MYO1H: variants seen among roughly 807,000 people sequenced by gnomAD.
MYO1H encodes the protein myosin IH.
Under a neutral mutation model 149.3 loss-of-function variants are expected in MYO1H, and 118 were observed. That is an observed-to-expected ratio of 0.79 (90% CI 0.68 to 0.92). The LOEUF (loss-of-function observed/expected upper bound fraction) is 0.92, where lower values mean the gene tolerates loss of function less well. Ranked by LOEUF, MYO1H falls within the 40% of genes least tolerant of loss-of-function variation. The probability of loss-of-function intolerance (pLI) is 0.00; values close to 1 mark genes in which losing one functional copy is unlikely to be tolerated. For synonymous variants in MYO1H, 447 were observed against 465.2 expected (o/e 0.96, Z 0.50); for missense variants, 1,212 against 1,280.7 (o/e 0.95, Z 0.82).
At chr12:109,342,762 C>G in the MYO1H span, among the ~76,000 whole-genome samples, 1 of 150,614 alleles carries the variant, frequency 6.6e-6, no homozygotes, top group East Asian at 2.0e-4. Context: ...ATGCTGGTCT[C>G]GAACTCCTGG....
chr12:109,436,404 G>A (rs1302783403), intron 21 of MYO1H, 84 bp from the exon 22 acceptor site: 5 of 919,864 alleles, frequency 5.4e-6, no homozygotes, highest in Non-Finnish European at 8.7e-6. Flanking sequence ...CCCTTCCATC[G>A]GCCCCCAAAC....
At chr12:109,442,101 T>C in intron 26 of MYO1H, 116 bp from the exon 27 acceptor site, 1 of 841,958 alleles carries the variant, frequency 1.2e-6, no homozygotes, top group East Asian at 2.5e-5. Flanking sequence ...CTGATGGCTA[T>C]TTCCCCACCT....
the MYO1H span, among the ~76,000 whole-genome samples, chr12:109,312,588 A>G: frequency 2.6e-5 from 4 of 151,948 alleles, no homozygotes; most frequent in African/African-American, 9.7e-5. Context: ...CTTTTTCCCA[A>G]GTCCTTGGCT....
intron 5 of MYO1H, among the ~76,000 whole-genome samples, chr12:109,400,209 C>G (rs911381611): frequency 6.6e-6 from 1 of 152,182 alleles, no homozygotes; most frequent in Non-Finnish European, 1.5e-5. Context: ...CAATTTAGGA[C>G]CGTGACATAT....
the MYO1H span, among the ~76,000 whole-genome samples, chr12:109,324,901 A>G: frequency 5.9e-5 from 9 of 151,948 alleles, no homozygotes; most frequent in Non-Finnish European, 1.0e-4. Context: ...GCCCTGGTGT[A>G]TGATGTTCCC....
chr12:109,380,961 A>T (rs766955597), intron 1 of MYO1H, among the ~76,000 whole-genome samples: 2 of 152,162 alleles, frequency 1.3e-5, no homozygotes, highest in Non-Finnish European at 2.9e-5. Flanking sequence ...ACTAAGGTTA[A>T]GTTCAAACCT....
At chr12:109,425,092 A>G (rs1871307848) in intron 17 of MYO1H, among the ~76,000 whole-genome samples, 1 of 152,186 alleles carries the variant, frequency 6.6e-6, no homozygotes, top group Non-Finnish European at 1.5e-5. Flanking sequence ...TAACATAATG[A>G]GACCCTGTCT....
At chr12:109,436,384 C>T (rs1472137713) in intron 21 of MYO1H, 104 bp from the exon 22 acceptor site, 23 of 768,354 alleles carry the variant, frequency 3.0e-5, no homozygotes, top group Non-Finnish European at 4.7e-5. Flanking sequence ...CACCACAGGA[C>T]TTTGATGCCC....
exon 2 of MYO1H, chr12:109,388,826 C>T (rs1329978260): frequency 6.2e-7 from 1 of 1,612,076 alleles, no homozygotes; most frequent in African/African-American, 1.3e-5. Context: ...GCAAGCGTTT[C>T]AGCGAGAACC....
intron 1 of MYO1H, chr12:109,359,260 C>A (rs1334569436): frequency 6.6e-6 from 1 of 152,078 alleles, no homozygotes; most frequent in East Asian, 1.9e-4. Context: ...ATATTCTTTA[C>A]CTGTCTCTTT....
intron 1 of MYO1H, chr12:109,359,240 CT>C (rs1868687057): frequency 2.6e-5 from 4 of 152,034 alleles, no homozygotes. Flanking sequence ...TGAATGGACC[CT>C]TCTTGACGAT....
chr12:109,339,595 C>T, the MYO1H span, among the ~76,000 whole-genome samples: 1 of 152,148 alleles, frequency 6.6e-6, no homozygotes, highest in African/African-American at 2.4e-5. Flanking sequence ...ATTTGCAGCA[C>T]ATGACAAACG....
At position 109,424,746 on chromosome 12, in the gene MYO1H, A is replaced by T; in HGVS notation, c.1645-2A>T. The T allele has an allele frequency of 6.2e-7, 1 of 1,613,158 alleles. No individual in the cohort carries two copies. The highest frequency in any genetic ancestry group is 8.5e-7 in the Non-Finnish European group (1 of 1,179,224). On this transcript the variant is annotated splice_acceptor_variant, in intron 16 of 31. Transcript: ENST00000310903. LOFTEE classifies it high-confidence loss of function. ...GTGGTACTCATTTCTCTTCACTTAC[A>T]GGTGCTGTGCAAGTCCAAGAACATT...
chr12:109,310,796 T>C, the MYO1H span, among the ~76,000 whole-genome samples: 4 of 152,182 alleles, frequency 2.6e-5, no homozygotes, highest in Admixed American at 2.6e-4. Context: ...CAGGAGTAAA[T>C]AGATCAGCTT....
chr12:109,444,282 A>T (rs1225064324), exon 29 of MYO1H: 1 of 1,613,470 alleles, frequency 6.2e-7, no homozygotes, highest in East Asian at 2.2e-5. Flanking sequence ...AGCAAGCAAA[A>T]GGTAATTGAC....
chr12:109,383,983 C>T lies in MYO1H; in HGVS notation c.13-4700C>T, dbSNP rs1869255995. On this transcript the variant is annotated intron_variant, in intron 1 of 31. Transcript: ENST00000310903. Reference sequence around the variant, plus strand: ...AGATGAGCAACAGGTCTAAACCATCCAAGACAAAGAGTGGCTTGCTGCAGA... The same window carrying T: ...AGATGAGCAACAGGTCTAAACCATCTAAGACAAAGAGTGGCTTGCTGCAGA... Among the ~76,000 whole-genome samples, 2 of 152,188 alleles carry T rather than the reference C, an allele frequency of 1.3e-5. 1 individual carries two copies. The highest frequency in any genetic ancestry group is 4.1e-4 in the South Asian group (2 of 4,832).
At chr12:109,354,875 C>CT (rs1868553542) in intron 1 of MYO1H, among the ~76,000 whole-genome samples, 1 of 152,170 alleles carries the variant, frequency 6.6e-6, no homozygotes, top group African/African-American at 2.4e-5. Context: ...CTAGCCTTTA[C>CT]TTTTACACAT....
chr12:109,353,757 T>C (rs1290974120), intron 1 of MYO1H, among the ~76,000 whole-genome samples: 1 of 152,114 alleles, frequency 6.6e-6, no homozygotes, highest in Non-Finnish European at 1.5e-5. Flanking sequence ...GTTCAAGTGC[T>C]TCTCCTGCCT....
At chr12:109,429,610 C>A (rs1871525304) in intron 19 of MYO1H, among the ~76,000 whole-genome samples, 1 of 152,094 alleles carries the variant, frequency 6.6e-6, no homozygotes, top group Non-Finnish European at 1.5e-5. Context: ...ACTTGAACAT[C>A]CGTGGATTTT....
Sources: allele counts gnomAD v4.1 joint callset (sites outside exome capture counted in the v4.1 genomes callset), GRCh38; gene constraint gnomAD v4.1.1; transcripts MANE v1.5; gene names NCBI Gene and HGNC (gene_info 2026-07-23, HGNC 2026-07-21).